SV2C: variants seen among roughly 807,000 people sequenced by gnomAD.
The protein encoded by SV2C is synaptic vesicle glycoprotein 2C, also known as solute carrier family 22 member B3.
In SV2C, 49 loss-of-function variants were observed where a neutral mutation model predicts 79.7. That is an observed-to-expected ratio of 0.61 (90% CI 0.49 to 0.78). The LOEUF (loss-of-function observed/expected upper bound fraction) is 0.78, where lower values mean the gene tolerates loss of function less well. SV2C is among the 30% of genes least tolerant of loss of function. The pLI is 0.00. For missense variants in SV2C, 833 were observed against 912.9 expected (o/e 0.91, Z 1.13); for synonymous variants, 334 against 333.2 (o/e 1.00, Z -0.03).
At chr5:76,167,330 C>T (rs150996785) in intron 2 of SV2C, among the ~76,000 whole-genome samples, 3 of 152,314 alleles carry the variant, frequency 2.0e-5, no homozygotes, top group South Asian at 2.1e-4. Flanking sequence ...CAGTTTCACA[C>T]GTCCCTTTTA....
At chr5:75,852,246 T>C in the SV2C span, among the ~76,000 whole-genome samples, 22 of 152,248 alleles carry the variant, frequency 1.4e-4, 1 homozygote, top group South Asian at 3.7e-3. Flanking sequence ...CAAACCACTA[T>C]GGCACGTGTA....
chr5:76,193,806 G>C (rs544051306), intron 2 of SV2C, among the ~76,000 whole-genome samples: 17 of 152,262 alleles, frequency 1.1e-4, no homozygotes, highest in South Asian at 6.2e-4. Flanking sequence ...TGAATAATCT[G>C]TCTGAGCCTC....
chr5:75,943,270 G>T, the SV2C span, among the ~76,000 whole-genome samples: 1 of 152,160 alleles, frequency 6.6e-6, no homozygotes, highest in African/African-American at 2.4e-5. Context: ...GTTTAAACTG[G>T]CAACTGGCTT....
chr5:76,133,778 A>G (rs2112865), intron 2 of SV2C, among the ~76,000 whole-genome samples: 17,546 of 152,080 alleles, frequency 0.12, 1,142 homozygotes, highest in Admixed American at 0.2. Context: ...CTAGCACTGT[A>G]TATCATTTTT....
At chr5:75,880,913 C>T in the SV2C span, among the ~76,000 whole-genome samples, 101 of 152,198 alleles carry the variant, frequency 6.6e-4, no homozygotes, top group African/African-American at 1.3e-3. Flanking sequence ...TTCTGCAAGA[C>T]GTAAAAGCAC....
At chr5:76,032,866 G>T in the SV2C span, among the ~76,000 whole-genome samples, 530 of 152,316 alleles carry the variant, frequency 3.5e-3, 8 homozygotes, top group African/African-American at 0.012. Flanking sequence ...CCCACCAACA[G>T]TATAAAAGTG....
upstream of SV2C, among the ~76,000 whole-genome samples, chr5:76,080,418 G>A (rs988125777): frequency 3.3e-5 from 5 of 152,106 alleles, no homozygotes; most frequent in Non-Finnish European, 5.9e-5. Flanking sequence ...GAAGCCAGGT[G>A]TAACTCTGAC....
At chr5:75,981,259 G>A in the SV2C span, among the ~76,000 whole-genome samples, 2 of 152,130 alleles carry the variant, frequency 1.3e-5, no homozygotes, top group East Asian at 3.9e-4. Flanking sequence ...TCATGGATAG[G>A]AAGAATCAAT....
the SV2C span, among the ~76,000 whole-genome samples, chr5:75,941,312 C>T: frequency 6.6e-6 from 1 of 152,166 alleles, no homozygotes; most frequent in African/African-American, 2.4e-5. Context: ...AATTCTTAAT[C>T]AAAAGCTCGA....
chr5:76,338,799 A>G (rs1245407263), downstream of SV2C, among the ~76,000 whole-genome samples: 1 of 151,640 alleles, frequency 6.6e-6, no homozygotes, highest in African/African-American at 2.4e-5. Flanking sequence ...CTGGGATTAC[A>G]GGCACCTGCC....
At chr5:76,230,804 A>AAAAG (rs145803175) in intron 4 of SV2C, among the ~76,000 whole-genome samples, 17,435 of 151,354 alleles carry the variant, frequency 0.12, 2,945 homozygotes, top group African/African-American at 0.38. Flanking sequence ...AAAAAAAAAG[A>AAAAG]AAAGAAAAGA....
At chr5:76,339,952 C>G (rs983958563) in intron 12 of SV2C, among the ~76,000 whole-genome samples, 1 of 152,084 alleles carries the variant, frequency 6.6e-6, no homozygotes, top group African/African-American at 2.4e-5. Flanking sequence ...AGGAGGCTGA[C>G]AGAAGATACA....
At chr5:76,292,922 A>G (rs1231822262) in intron 8 of SV2C, among the ~76,000 whole-genome samples, 1 of 152,240 alleles carries the variant, frequency 6.6e-6, no homozygotes, top group Admixed American at 6.5e-5. Flanking sequence ...GTCAGCAGGA[A>G]CTCAGTACCT....
At position 76,136,049 on chromosome 5, in the gene SV2C, G is replaced by A. The variant is rs139458646; in HGVS notation, c.580+3719G>A. Among the ~76,000 whole-genome samples, 1,404 of 152,290 alleles carry A rather than the reference G, an allele frequency of 9.2e-3. 16 individuals carry two copies. The highest frequency in any genetic ancestry group is 0.012 in the Non-Finnish European group (840 of 68,014). ...TCATTATTGGTTCAACTGCTTTATT[G>A]CTGAGGGTTACAAAGATGAGTGATA... On this transcript the variant is annotated intron_variant, in intron 2 of 12. Coordinates refer to ENST00000502798, the MANE Select transcript of SV2C (RefSeq NM_014979.4).
intron 4 of SV2C, among the ~76,000 whole-genome samples, chr5:76,275,662 A>G (rs1468339461): frequency 6.6e-6 from 1 of 152,198 alleles, no homozygotes; most frequent in Admixed American, 6.5e-5. Context: ...ACAGTCAGGC[A>G]ACTGGGGAGG....
At chr5:76,035,130 TTC>T in the SV2C span, among the ~76,000 whole-genome samples, 81 of 152,326 alleles carry the variant, frequency 5.3e-4, 1 homozygote, top group East Asian at 0.014. Flanking sequence ...TATTTGATTC[TTC>T]TCTTTTTTTT....
chr5:76,223,711 G>C (rs1233782145), intron 4 of SV2C, among the ~76,000 whole-genome samples: 1 of 151,712 alleles, frequency 6.6e-6, no homozygotes, highest in Non-Finnish European at 1.5e-5. Flanking sequence ...TTATTACTCA[G>C]AGAAATCAAG....
chr5:76,130,308 T>G (rs1373696439), intron 1 of SV2C, among the ~76,000 whole-genome samples: 1 of 152,220 alleles, frequency 6.6e-6, no homozygotes, highest in Non-Finnish European at 1.5e-5. Flanking sequence ...CATACTCCTG[T>G]TTTGCCTACT....
chr5:75,912,563 C>CA, the SV2C span, among the ~76,000 whole-genome samples: 1 of 152,076 alleles, frequency 6.6e-6, no homozygotes, highest in African/African-American at 2.4e-5. Flanking sequence ...TAAAAAATGT[C>CA]AAAAAATATG....
Sources: allele counts gnomAD v4.1 joint callset (sites outside exome capture counted in the v4.1 genomes callset), GRCh38; gene constraint gnomAD v4.1.1; transcripts MANE v1.5; gene names NCBI Gene and HGNC (gene_info 2026-07-23, HGNC 2026-07-21).